The following SMC1B variants were observed in gnomAD, a reference collection of about 807,000 sequenced individuals.
SMC1B encodes structural maintenance of chromosomes protein 1B.
A neutral mutation model predicts 157.9 loss-of-function variants in SMC1B; 60 were observed. The ratio of observed to expected loss-of-function variants is 0.38; its 90% CI spans 0.31 to 0.47. The LOEUF is 0.47. Ranked by LOEUF, SMC1B falls within the 20% of genes least tolerant of loss-of-function variation. SMC1B has a pLI of 0.99. For missense variants in SMC1B, 1,165 were observed against 1,426.2 expected (o/e 0.82, Z 2.95); for synonymous variants, 445 against 483.0 (o/e 0.92, Z 1.03).
Position 45,396,454 on chromosome 22 carries a change from T to C in SMC1B, c.1146A>G (p.Val382=), listed in dbSNP as rs776049629. 2 of 1,613,452 alleles carry C rather than the reference T, an allele frequency of 1.2e-6. No individual in the cohort carries two copies. Among genetic ancestry groups the C allele is most frequent in the Non-Finnish European group, 1.7e-6 (2 of 1,179,710 alleles). ...LDRYKELKEQ[V]RKKVATMTQQ... ...GAGTCATTGTAGCTACTTTCTTTCT[T>C]ACTTGTTCCTTAAGTTCTTTATAAC... Residue 382 remains valine, a synonymous_variant, in exon 7 of 25, where the codon GTA becomes GTG. Coordinates refer to ENST00000357450, the MANE Select transcript of SMC1B (RefSeq NM_148674.5).
Position 45,396,450 on chromosome 22 carries a change from T to C in SMC1B, c.1150A>G (p.Lys384Glu). Reference sequence around the variant, plus strand: ...TGTTGAGTCATTGTAGCTACTTTCTTTCTTACTTGTTCCTTAAGTTCTTTA... The same window carrying C: ...TGTTGAGTCATTGTAGCTACTTTCTCTCTTACTTGTTCCTTAAGTTCTTTA... The part of the protein sequence containing the change: ...RYKELKEQVR[K>E]KVATMTQQLE... Residue 384 changes from lysine to glutamate, a missense_variant, in exon 7 of 25, where the codon AAG (lysine) becomes GAG (glutamate). Lys to Glu is a moderately conservative substitution (Grantham distance 56). Transcript: ENST00000357450. The C allele has an allele frequency of 1.2e-6, 2 of 1,613,400 alleles. No individual in the cohort carries two copies. The highest frequency in any genetic ancestry group is 2.2e-5 in the South Asian group (2 of 90,988).
Position 45,359,906 on chromosome 22 carries a change from G to A in SMC1B, c.2761C>T (p.Gln921Ter), listed in dbSNP as rs750458916. Residue 921 changes from glutamine (Q) to a stop codon, truncating the protein, a stop_gained, in exon 18 of 25, where the codon CAG (glutamine) becomes TAG (stop). Coordinates refer to ENST00000357450, the MANE Select transcript of SMC1B (RefSeq NM_148674.5). LOFTEE classifies it high-confidence loss of function. ...AAGTTATGCTTCTCTAATCGTTTCT[G>A]TTCCAGAGAAGTTTGAATACTTACA... ...EVVSIQTSLE[Q>*]KRLEKHNLLL... 11 of 1,613,794 alleles carry A rather than the reference G, an allele frequency of 6.8e-6. No homozygotes were observed. The highest frequency in any genetic ancestry group is 9.3e-6 in the Non-Finnish European group (11 of 1,179,886).
Position 45,396,498 on chromosome 22 carries a change from G to A in SMC1B, c.1114-12C>T, listed in dbSNP as rs752555836. On this transcript the variant is annotated splice_polypyrimidine_tract_variant and intron_variant, in intron 6 of 24. Transcript: ENST00000357450. Reference sequence around the variant, plus strand: ...TTATAACGATCCAGCTGCATAAACAGTATTGAAAAATTGCTAATTCACCTT... The same window carrying A: ...TTATAACGATCCAGCTGCATAAACAATATTGAAAAATTGCTAATTCACCTT... 6 of 1,594,914 alleles carry A rather than the reference G, an allele frequency of 3.8e-6. No homozygotes were observed. In the South Asian group the frequency reaches 4.6e-5, roughly 12 times the overall value.
intron 15 of SMC1B, 35 bp downstream of exon 15, chr22:45,369,919 G>C: frequency 8.9e-7 from 1 of 1,117,408 alleles, no homozygotes; most frequent in South Asian, 1.4e-5. Context: ...TTATAAATAT[G>C]TAAGCTCCTT....
At chr22:45,406,357 TATTAA>T in intron 4 of SMC1B, 98 bp downstream of exon 4, 4 of 872,810 alleles carry the variant, frequency 4.6e-6, no homozygotes, top group Non-Finnish European at 7.0e-6. Context: ...TGTCTTATAC[TATTAA>T]ATTAATCTTC....
chr22:45,373,106 C>T (rs757908371), intron 12 of SMC1B, among the ~76,000 whole-genome samples: 5 of 152,214 alleles, frequency 3.3e-5, no homozygotes, highest in Non-Finnish European at 7.3e-5. Context: ...CAACCCCCAG[C>T]TCCCAGTTCT....
At chr22:45,377,222 C>T (rs372214287) in intron 12 of SMC1B, among the ~76,000 whole-genome samples, 7 of 152,184 alleles carry the variant, frequency 4.6e-5, no homozygotes, top group Admixed American at 1.3e-4. Flanking sequence ...TGTATGTTTG[C>T]GTCTAGCTTT....
intron 23 of SMC1B, among the ~76,000 whole-genome samples, chr22:45,348,806 C>T (rs1226260667): frequency 6.6e-6 from 1 of 151,116 alleles, no homozygotes; most frequent in Admixed American, 6.6e-5. Context: ...TCAGGTGATC[C>T]TCCCACCTCA....
chr22:45,405,475 C>T (rs1412807511), intron 4 of SMC1B, among the ~76,000 whole-genome samples: 2 of 151,838 alleles, frequency 1.3e-5, no homozygotes, highest in Non-Finnish European at 1.5e-5. Context: ...TGGCGTGAAC[C>T]CAGGAGGCGG....
At chr22:45,413,255 C>T (rs1454799232) in intron 1 of SMC1B, among the ~76,000 whole-genome samples, 2 of 150,756 alleles carry the variant, frequency 1.3e-5, no homozygotes, top group Admixed American at 6.6e-5. Context: ...CTGAGGTGGA[C>T]GGCGAGGACC....
At chr22:45,405,312 G>A (rs888886954) in intron 4 of SMC1B, among the ~76,000 whole-genome samples, 2 of 152,106 alleles carry the variant, frequency 1.3e-5, no homozygotes, top group African/African-American at 4.8e-5. Context: ...TGTAATCCCA[G>A]CACTTTGGGA....
chr22:45,402,546 T>C lies in SMC1B; in HGVS notation c.641A>G (p.Glu214Gly), dbSNP rs2087209228. The change falls in exon 5 of 25, where the codon GAA (glutamate) becomes GGA (glycine). Residue 214 changes from glutamate (E) to glycine (G), a missense_variant. By Grantham distance (98) the Glu-to-Gly change is moderately conservative (BLOSUM62 -2). Coordinates refer to ENST00000357450, the MANE Select transcript of SMC1B (RefSeq NM_148674.5). The stretch of plus-strand genomic sequence containing the variant: ...TTGTATCTTGTTCATTTTCAGTTCT[T>C]CAAGGAGACTCTGGTAACGTTCTGC... ...EEAERYQSLLEELKMNKIQLQ... is the reference protein window; with the variant it reads ...EEAERYQSLLGELKMNKIQLQ... 2 of 1,613,644 alleles carry C rather than the reference T, an allele frequency of 1.2e-6. No homozygotes were observed. The highest frequency in any genetic ancestry group is 4.5e-5 in the East Asian group (2 of 44,816).
intron 12 of SMC1B, among the ~76,000 whole-genome samples, chr22:45,377,778 C>T (rs1324955511): frequency 1.3e-5 from 2 of 151,956 alleles, no homozygotes; most frequent in Non-Finnish European, 2.9e-5. Context: ...TCAAGTGATC[C>T]TCCTGCCTTG....
At chr22:45,364,387 A>G (rs920991817) in intron 15 of SMC1B, among the ~76,000 whole-genome samples, 1 of 152,248 alleles carries the variant, frequency 6.6e-6, no homozygotes, top group African/African-American at 2.4e-5. Context: ...TAAAACATTA[A>G]TAACTATTTA....
At chr22:45,354,741 T>C (rs1377139365) in intron 20 of SMC1B, among the ~76,000 whole-genome samples, 4 of 152,204 alleles carry the variant, frequency 2.6e-5, no homozygotes, top group Admixed American at 2.6e-4. Flanking sequence ...AAAATACATG[T>C]GTTTTAAAAT....
chr22:45,345,485 C>T lies in SMC1B; in HGVS notation c.3580G>A (p.Asp1194Asn), dbSNP rs750985241. 2.3e-5 allele frequency: 37 copies of T among 1,613,540 alleles called. No individual in the cohort carries two copies. The highest frequency in any genetic ancestry group is 1.6e-4 in the Middle Eastern group (1 of 6,084). ...SLKEEFYSRA[D>N]ALIGIYPEYD... ...TCAGGATAGATGCCGATCAGCGCGT[C>T]GGCTCTGGAATAGAACTCTTCTTTT... Residue 1194 changes from aspartate to asparagine, a missense_variant, in exon 24 of 25, where the codon GAC (aspartate) becomes AAC (asparagine). Transcript: ENST00000357450.
At chr22:45,407,882 C>A (rs1365540568) in intron 2 of SMC1B, among the ~76,000 whole-genome samples, 1 of 152,142 alleles carries the variant, frequency 6.6e-6, no homozygotes, top group Non-Finnish European at 1.5e-5. Flanking sequence ...TTTCTATCCA[C>A]ACCTTTAAAA....
rs568121892 is a variant in SMC1B at position 45,349,054 on chromosome 22, G to A, written c.3495+674C>T. ...TTTTTTTTGAGACAGAGTCTCTGTC[G>A]CTCAGGCTGGAGTGCAGTGGCACAA... On this transcript the variant is annotated intron_variant, in intron 23 of 24. Coordinates refer to ENST00000357450, the MANE Select transcript of SMC1B (RefSeq NM_148674.5). Among the ~76,000 whole-genome samples, 643 of 128,352 alleles carry A rather than the reference G, an allele frequency of 5.0e-3. 7 individuals are homozygous for A. The highest frequency in any genetic ancestry group is 0.018 in the African/African-American group (596 of 32,764). 84.2% of individuals were successfully genotyped at this position (128,352 alleles called of 152,430 possible).
intron 1 of SMC1B, among the ~76,000 whole-genome samples, chr22:45,413,024 C>A (rs1034387050): frequency 6.6e-6 from 1 of 150,956 alleles, no homozygotes; most frequent in East Asian, 2.0e-4. Context: ...AGGGCGGGAC[C>A]GGGGCGGAGA....
Sources: gnomAD v4.1 joint callset for allele counts (sites outside exome capture counted in the v4.1 genomes callset) on GRCh38, gnomAD v4.1.1 for gene constraint, MANE v1.5 for transcripts, NCBI Gene and HGNC (gene_info 2026-07-23, HGNC 2026-07-21) for gene names.